GFRA3: variants seen among roughly 807,000 people sequenced by gnomAD.
GFRA3 encodes GDNF family receptor alpha 3.
Under a neutral mutation model 40.0 loss-of-function variants are expected in GFRA3, and 24 were observed. The ratio of observed to expected loss-of-function variants is 0.60; its 90% CI spans 0.43 to 0.84. The LOEUF is 0.84. Among genes scored for constraint, GFRA3 ranks in the 40% least tolerant of loss-of-function variants. The pLI, the probability that GFRA3 is intolerant of heterozygous loss-of-function variation, is 0.00. For missense variants in GFRA3, 405 were observed against 530.6 expected, an observed-to-expected ratio of 0.76 and a Z score of 2.33; for synonymous variants, 203 against 213.5, an observed-to-expected ratio of 0.95 and a Z score of 0.43.
chr5:138,268,214 G>T (rs912553097), intron 1 of GFRA3, among the ~76,000 whole-genome samples: 4 of 131,784 alleles, frequency 3.0e-5, no homozygotes, highest in African/African-American at 5.5e-5. Flanking sequence ...GAACCCAGGA[G>T]GCAGAGTATG....
chr5:138,260,377 G>A (rs1056928436), intron 2 of GFRA3, among the ~76,000 whole-genome samples: 4 of 152,248 alleles, frequency 2.6e-5, no homozygotes, highest in Non-Finnish European at 4.4e-5. Flanking sequence ...GCCTCCAGCA[G>A]ATGTGTAACA....
rs144246494 is a variant in GFRA3, at chr5:138,268,828, G to A, written c.92-4280C>T. Among the ~76,000 whole-genome samples, 670 of 151,802 alleles carry A rather than the reference G, an allele frequency of 4.4e-3. 5 individuals are homozygous for A. The highest frequency in any genetic ancestry group is 0.015 in the African/African-American group (615 of 41,388). On this transcript the variant is annotated intron_variant, in intron 1 of 7. Coordinates refer to ENST00000274721, the MANE Select transcript of GFRA3 (RefSeq NM_001496.4). ...TAGTCCCAGCTACTCGGGAGGCTGAGGCAGGAGAATGGTGTGAACCTGGGA... is the reference window on the plus strand; with the variant it reads ...TAGTCCCAGCTACTCGGGAGGCTGAAGCAGGAGAATGGTGTGAACCTGGGA...
intron 3 of GFRA3, 145 bp from the exon 4 acceptor site, chr5:138,258,096 C>A: frequency 1.5e-6 from 1 of 687,306 alleles, no homozygotes; most frequent in Admixed American, 2.4e-5. Flanking sequence ...TAAACCCACT[C>A]CTAATCCAGG....
intron 5 of GFRA3, 69 bp from the exon 6 acceptor site, chr5:138,253,969 A>T: frequency 6.3e-7 from 1 of 1,582,836 alleles, no homozygotes; most frequent in South Asian, 1.1e-5. Context: ...TCTTCCACCC[A>T]TGTCAGGATC....
rs1212741543 is a variant in GFRA3 at position 138,262,985 on chromosome 5, G to C, written c.379+1276C>G. ...TTTGCTTTTTGCTTGTTTTTTTCGA[G>C]ACAGAGTCTCGCTCTGTCGCCCAGG... On this transcript the variant is annotated intron_variant, in intron 2 of 7. Transcript: ENST00000274721. 1.3e-5 allele frequency among the ~76,000 whole-genome samples: 2 copies of C among 152,140 alleles called. 1 individual carries two copies. The highest frequency in any genetic ancestry group is 3.9e-4 in the East Asian group (2 of 5,166).
intron 2 of GFRA3, among the ~76,000 whole-genome samples, chr5:138,261,693 C>CAAAAAAAAAAAAAAAAA (rs70979598): frequency 4.3e-5 from 2 of 46,336 alleles, no homozygotes; most frequent in Non-Finnish European, 7.6e-5. Flanking sequence ...GACTCTGTCT[C>CAAAAAAAAAAAAAAAAA]AAAAAAAAAA....
At chr5:138,263,682 AG>A (rs1561651619) in intron 2 of GFRA3, among the ~76,000 whole-genome samples, 1 of 152,240 alleles carries the variant, frequency 6.6e-6, no homozygotes, top group African/African-American at 2.4e-5. Context: ...CCCATGAAAG[AG>A]CCAATACAGA....
At chr5:138,273,155 C>T (rs1045130809) in intron 1 of GFRA3, among the ~76,000 whole-genome samples, 1 of 152,142 alleles carries the variant, frequency 6.6e-6, no homozygotes, top group South Asian at 2.1e-4. Context: ...CGGAGGTCTC[C>T]TATATGCTTG....
At chr5:138,265,206 CTTTTTTTTTTTTTT>C (rs56317441) in intron 1 of GFRA3, among the ~76,000 whole-genome samples, 6 of 50,552 alleles carry the variant, frequency 1.2e-4, no homozygotes, top group Non-Finnish European at 2.0e-4. Context: ...TCTAGGAGAA[CTTTTTTTTTTTTTT>C]TTTTTTTTTT....
intron 4 of GFRA3, among the ~76,000 whole-genome samples, chr5:138,254,824 C>T (rs1443375627): frequency 6.6e-6 from 1 of 151,856 alleles, no homozygotes; most frequent in African/African-American, 2.4e-5. Context: ...CCAGGCATAG[C>T]GGCTCACGCC....
Position 138,265,206 on chromosome 5 carries a change from CTTTTTTTT to C in GFRA3, c.92-666_92-659del, listed in dbSNP as rs56317441. On this transcript the variant is annotated intron_variant, in intron 1 of 7. Coordinates refer to ENST00000274721, the MANE Select transcript of GFRA3 (RefSeq NM_001496.4). ...GTTCAAAGATAAAAATCTAGGAGAACTTTTTTTTTTTTTTTTTTTTTTTTTTTGAGACA... is the reference window on the plus strand; with the variant it reads ...GTTCAAAGATAAAAATCTAGGAGAACTTTTTTTTTTTTTTTTTTTGAGACA... Among the ~76,000 whole-genome samples, 39 of 50,592 alleles carry C rather than the reference CTTTTTTTT, an allele frequency of 7.7e-4. 1 individual carries two copies. The highest frequency in any genetic ancestry group is 3.3e-3 in the Admixed American group (10 of 3,006). The allele number at this position is 50,592 out of a possible 152,430, so 33.2% of individuals were successfully genotyped here.
chr5:138,256,593 T>C (rs1422504082), intron 4 of GFRA3, among the ~76,000 whole-genome samples: 1 of 146,522 alleles, frequency 6.8e-6, no homozygotes, highest in African/African-American at 2.5e-5. Flanking sequence ...TATCTAGCAA[T>C]AGAGGAATGG....
chr5:138,262,987 C>G (rs990803707), intron 2 of GFRA3, among the ~76,000 whole-genome samples: 62 of 152,064 alleles, frequency 4.1e-4, no homozygotes, highest in African/African-American at 1.4e-3. Context: ...TTTTTCGAGA[C>G]AGAGTCTCGC....
chr5:138,274,293 C>A, intron 1 of GFRA3, 41 bp downstream of exon 1: 1 of 1,321,632 alleles, frequency 7.6e-7, no homozygotes. Flanking sequence ...TCACCTCCCC[C>A]TCCCACTGTA....
intron 1 of GFRA3, among the ~76,000 whole-genome samples, chr5:138,274,106 G>C (rs1001738257): frequency 7.9e-5 from 12 of 152,168 alleles, no homozygotes; most frequent in African/African-American, 2.7e-4. Flanking sequence ...GGAGATGCTT[G>C]GGTGGCCAGG....
intron 1 of GFRA3, among the ~76,000 whole-genome samples, chr5:138,271,913 T>TTTTGTGTGTGTGTGTG (rs59830655): frequency 1.8e-5 from 1 of 54,332 alleles, no homozygotes; most frequent in Non-Finnish European, 3.5e-5. Flanking sequence ...TTTTTTTTTT[T>TTTTGTGTGTGTGTGTG]TGTGTGTGTG....
chr5:138,270,449 A>C (rs1755853400), intron 1 of GFRA3, among the ~76,000 whole-genome samples: 1 of 151,998 alleles, frequency 6.6e-6, no homozygotes, highest in Non-Finnish European at 1.5e-5. Context: ...TTCTAAGTGA[A>C]GTAACTCAGG....
chr5:138,274,580 T>C lies in GFRA3; in HGVS notation c.-156A>G. 2 of 1,204,718 alleles carry C rather than the reference T, an allele frequency of 1.7e-6. No homozygotes were observed. The highest frequency in any genetic ancestry group is 2.1e-6 in the Non-Finnish European group (2 of 972,656). The allele number at this position is 1,204,718 out of a possible 1,614,324, so 74.6% of individuals were successfully genotyped here. On this transcript the variant is annotated 5_prime_UTR_variant, in exon 1 of 8. Transcript: ENST00000274721. The stretch of plus-strand genomic sequence containing the variant: ...AGGGTCCTGGGCGCCGCCCTCCAAC[T>C]CCGAAGCGCGCGTCCACACCACGCG...
In GFRA3 at chr5:138,253,998, G is replaced by C. The variant is rs530560276; in HGVS notation, c.889+59C>G. On this transcript the variant is annotated intron_variant, in intron 5 of 7. Coordinates refer to ENST00000274721, the MANE Select transcript of GFRA3 (RefSeq NM_001496.4). ...CAGGATCACATCCTTTATCTCCGGA[G>C]CATTCTTACCCTCAGGCCTAGCCAA... is the stretch of plus-strand genomic sequence containing the variant. The C allele has an allele frequency of 1.0e-4, 160 of 1,560,572 alleles. 1 individual carries two copies. The South Asian group carries it at 1.7e-3, about 17-fold the overall frequency.
Sources: allele counts gnomAD v4.1 joint callset (sites outside exome capture counted in the v4.1 genomes callset), GRCh38; gene constraint gnomAD v4.1.1; transcripts MANE v1.5; gene names NCBI Gene and HGNC (gene_info 2026-07-23, HGNC 2026-07-21).